NPHP4: variants seen among roughly 807,000 people sequenced by gnomAD.
The protein encoded by NPHP4 is nephrocystin 4.
Under a neutral mutation model 155.8 loss-of-function variants are expected in NPHP4, and 151 were observed. The observed-to-expected ratio is 0.97, with a 90% CI of 0.85 to 1.11. The LOEUF is 1.11. NPHP4 is among the 50% of genes least tolerant of loss of function. NPHP4 has a pLI of 0.00. For synonymous variants in NPHP4, 845 were observed against 816.8 expected (o/e 1.03, Z -0.59); for missense variants, 1,956 against 1,925.7 (o/e 1.02, Z -0.29).
At chr1:5,916,597 C>A (rs1322276356) in intron 11 of NPHP4, among the ~76,000 whole-genome samples, 1 of 152,250 alleles carries the variant, frequency 6.6e-6, no homozygotes, top group East Asian at 1.9e-4. Flanking sequence ...CTCATTTGCA[C>A]CACCGTTCAA....
At chr1:5,907,608 C>T (rs911251742) in intron 12 of NPHP4, among the ~76,000 whole-genome samples, 6 of 152,228 alleles carry the variant, frequency 3.9e-5, no homozygotes, top group South Asian at 2.1e-4. Context: ...GCGTTCCTAT[C>T]GAACAAACCT....
At chr1:5,974,906 C>T (rs1254201364) in intron 3 of NPHP4, among the ~76,000 whole-genome samples, 1 of 152,188 alleles carries the variant, frequency 6.6e-6, no homozygotes, top group Non-Finnish European at 1.5e-5. Context: ...CTGCTACCGG[C>T]AGCTCACCAA....
rs1336676859 is a variant in NPHP4, at chr1:5,889,060, G to A, written c.2305-1594C>T. Among the ~76,000 whole-genome samples the A allele has an allele frequency of 6.6e-6, 1 of 152,206 alleles. No individual in the cohort carries two copies. Among genetic ancestry groups the A allele is most frequent in the Non-Finnish European group, 1.5e-5 (1 of 68,034 alleles). On this transcript the variant is annotated intron_variant, in intron 17 of 29. Transcript: ENST00000378156. The surrounding 1 kb of genome is among the most constrained non-coding windows in gnomAD (Gnocchi z 4.2). ...GGGCTGGGCTAGGGGTCACACTGAA[G>A]GCAGCACAGGAGCCGTCCGTCCCTA...
chr1:5,959,106 C>T (rs1376683544), intron 6 of NPHP4, among the ~76,000 whole-genome samples: 1 of 151,958 alleles, frequency 6.6e-6, no homozygotes, highest in East Asian at 1.9e-4. Flanking sequence ...CGCATACGAC[C>T]CTTACCTGGT....
chr1:5,865,811 G>A (rs1641164044), intron 26 of NPHP4: 1 of 164,410 alleles, frequency 6.1e-6, no homozygotes, highest in African/African-American at 2.4e-5. Flanking sequence ...TGGTCACGTG[G>A]CCCCTCTGTG....
intron 6 of NPHP4, among the ~76,000 whole-genome samples, chr1:5,956,129 G>C (rs950744406): frequency 6.6e-6 from 1 of 150,848 alleles, no homozygotes; most frequent in East Asian, 1.9e-4. Flanking sequence ...TTCCCAGACC[G>C]ACTTCCTTTA....
chr1:5,947,699 G>T (rs1647183796), intron 8 of NPHP4, among the ~76,000 whole-genome samples: 1 of 152,160 alleles, frequency 6.6e-6, no homozygotes, highest in Admixed American at 6.5e-5. Flanking sequence ...CACCTGATTT[G>T]GGAAGCACTG....
chr1:5,868,371 C>A (rs756428985), intron 23 of NPHP4: 5 of 265,592 alleles, frequency 1.9e-5, no homozygotes, highest in Non-Finnish European at 3.7e-5. Flanking sequence ...TGTGCCTAAA[C>A]CAAAGGGGTT....
Position 5,952,823 on chromosome 1 carries a change from T to C in NPHP4, c.687A>G (p.Arg229=). 1 of 1,600,564 alleles carries C rather than the reference T, an allele frequency of 6.2e-7. No individual in the cohort carries two copies. Among genetic ancestry groups the C allele is most frequent in the Non-Finnish European group, 8.5e-7 (1 of 1,173,830 alleles). Residue 229 remains arginine, a synonymous_variant, in exon 7 of 30, where the codon CGA becomes CGG. Transcript: ENST00000378156. ...TGATGGGCTTCTGGAGGCGAGGCTT[T>C]CGGAGAGCGTCGCCTGAAACAGTGA... ...PAHGESGDAL[R]KPRLQKPITG... is the part of the protein sequence containing the mutation.
At chr1:5,879,336 G>A (rs1412294897) in intron 19 of NPHP4, 2 of 349,262 alleles carry the variant, frequency 5.7e-6, no homozygotes, top group East Asian at 1.5e-4. Context: ...TCAGGTCTGT[G>A]AGGCCTTACA....
intron 10 of NPHP4, 68 bp downstream of exon 10, chr1:5,933,079 T>C: frequency 7.8e-7 from 1 of 1,274,556 alleles, no homozygotes; most frequent in Non-Finnish European, 1.1e-6. Context: ...TGTGAACTTT[T>C]GCTTTTGAAA....
intron 6 of NPHP4, among the ~76,000 whole-genome samples, chr1:5,959,977 C>T (rs1373303659): frequency 1.3e-5 from 2 of 152,190 alleles, no homozygotes; most frequent in Non-Finnish European, 2.9e-5. Context: ...ATCAAGCAGG[C>T]GACATCTCAC....
intron 2 of NPHP4, among the ~76,000 whole-genome samples, chr1:5,979,031 A>T (rs978698511): frequency 6.7e-6 from 1 of 148,542 alleles, no homozygotes; most frequent in Non-Finnish European, 1.5e-5. Flanking sequence ...CAGAGTGTAG[A>T]CAGGCAGGAC....
intron 1 of NPHP4, among the ~76,000 whole-genome samples, chr1:5,988,978 T>C (rs1042311584): frequency 1.4e-4 from 21 of 152,350 alleles, no homozygotes; most frequent in African/African-American, 4.3e-4. Context: ...CTTTTTGTTC[T>C]CTGTGGGCTA....
At chr1:5,980,598 A>ACAGGGAGGGG (rs77920922) in intron 2 of NPHP4, among the ~76,000 whole-genome samples, 1,622 of 152,120 alleles carry the variant, frequency 0.011, 32 homozygotes, top group South Asian at 0.023. Flanking sequence ...AGGAGGCGAG[A>ACAGGGAGGGG]CAGGGAGGGG....
Position 5,905,370 on chromosome 1 carries a change from A to G in NPHP4, c.1877T>C (p.Val626Ala), listed in dbSNP as rs773724626. ...TTCTTCCTTCTGAGGGTTAAACGTCACAGGTTCTGTAGCGCTGACAGCCTC... is the reference window on the plus strand; with the variant it reads ...TTCTTCCTTCTGAGGGTTAAACGTCGCAGGTTCTGTAGCGCTGACAGCCTC... ...PAEAVSATEP[V>A]TFNPQKEESD... The change falls in exon 15 of 30, where the codon GTG becomes GCG. Residue 626 changes from valine to alanine, a missense_variant. By Grantham distance (64) the Val-to-Ala change is moderately conservative (BLOSUM62 0). Coordinates refer to ENST00000378156, the MANE Select transcript of NPHP4 (RefSeq NM_015102.5). The surrounding 1 kb of genome is among the most constrained non-coding windows in gnomAD (Gnocchi z 4.0). The G allele has an allele frequency of 5.6e-6, 9 of 1,613,796 alleles. No individual in the cohort carries two copies. The African/African-American group carries it at 9.3e-5, about 17-fold the overall frequency.
chr1:5,900,690 A>G (rs1644631487), intron 16 of NPHP4, among the ~76,000 whole-genome samples: 1 of 152,158 alleles, frequency 6.6e-6, no homozygotes, highest in African/African-American at 2.4e-5. Flanking sequence ...AGTGTAAACT[A>G]TGAGTTTAGT....
chr1:5,904,914 C>G, intron 15 of NPHP4, 110 bp from the exon 16 acceptor site: 1 of 1,121,762 alleles, frequency 8.9e-7, no homozygotes. Context: ...CGCTGGGGAA[C>G]AGTAAAGAGG....
Position 5,864,596 on chromosome 1 carries a change from A to T in NPHP4, c.3817-79T>A. The T allele has an allele frequency of 3.0e-6, 4 of 1,348,446 alleles. No homozygotes were observed. In the South Asian group the frequency reaches 6.3e-5, roughly 21 times the overall value. The allele number at this position is 1,348,446 out of a possible 1,614,324, so 83.5% of individuals were successfully genotyped here. On this transcript the variant is annotated intron_variant, in intron 27 of 29. Transcript: ENST00000378156. ...AGGGGCTCCTGGGCGCCTGCAGCCC[A>T]ATCAGCCAGGGGAGCCCAAGGTCAT... is the stretch of plus-strand genomic sequence containing the variant.
Sources: gnomAD v4.1 joint callset for allele counts (sites outside exome capture counted in the v4.1 genomes callset) on GRCh38, gnomAD v4.1.1 for gene constraint, Gnocchi (gnomAD v3.1) non-coding constraint, MANE v1.5 for transcripts, NCBI Gene and HGNC (gene_info 2026-07-23, HGNC 2026-07-21) for gene names.